Variants in ADARB2 observed in about 807,000 individuals in gnomAD.
ADARB2 encodes inactive double-stranded RNA-specific editase B2.
ADARB2 carries 25 observed loss-of-function variants against 62.2 expected under a neutral mutation model. The observed-to-expected ratio is 0.40, with a 90% confidence interval of 0.29 to 0.56. The LOEUF (loss-of-function observed/expected upper bound fraction) is 0.56. ADARB2 is among the 20% of genes least tolerant of loss of function. The pLI is 0.43. For missense variants in ADARB2, 1,071 were observed against 1,077.4 expected (o/e 0.99, Z 0.08); for synonymous variants, 572 against 500.8 (o/e 1.14, Z -1.90).
At chr10:1,496,258 C>T (rs1831689941) in intron 1 of ADARB2, among the ~76,000 whole-genome samples, 1 of 151,868 alleles carries the variant, frequency 6.6e-6, no homozygotes, top group Non-Finnish European at 1.5e-5. Context: ...TCATTGTCAT[C>T]AGCACCATCA....
In ADARB2 at chr10:1,472,122, G is replaced by A. The variant is rs545638775; in HGVS notation, c.101-92962C>T. On this transcript the variant is annotated intron_variant, in intron 1 of 9. Transcript: ENST00000381312. ...GTGAGACGGCTGAGATGAGAGGGAC[G>A]TGGCACCCACACGAGAAGGGCTTGT... Among the ~76,000 whole-genome samples, 179 of 152,318 alleles carry A rather than the reference G, an allele frequency of 1.2e-3. 1 individual carries two copies. The highest frequency in any genetic ancestry group is 1.6e-3 in the Non-Finnish European group (110 of 68,030).
chr10:1,332,368 G>A (rs925062744), intron 3 of ADARB2, among the ~76,000 whole-genome samples: 1 of 150,494 alleles, frequency 6.6e-6, no homozygotes, highest in African/African-American at 2.4e-5. Flanking sequence ...GTGAGCTGGT[G>A]TTGCACCACT....
intron 3 of ADARB2, among the ~76,000 whole-genome samples, chr10:1,327,683 T>TGCCCAGCGCCTCCCCATG (rs1831882793): frequency 1.6e-5 from 1 of 64,328 alleles, no homozygotes. Context: ...GCCTCCTCAC[T>TGCCCAGCGCCTCCCCATG]GCACAGCGCC....
intron 2 of ADARB2, among the ~76,000 whole-genome samples, chr10:1,371,395 G>C (rs1832370673): frequency 1.3e-5 from 2 of 152,218 alleles, no homozygotes; most frequent in Non-Finnish European, 2.9e-5. Context: ...AAAGATTTAT[G>C]ATGAAGGCCC....
chr10:1,484,138 A>G (rs1045085537), intron 1 of ADARB2, among the ~76,000 whole-genome samples: 2 of 152,226 alleles, frequency 1.3e-5, no homozygotes, highest in African/African-American at 2.4e-5. Context: ...TTCAGTCAAG[A>G]TACATTAATC....
In ADARB2 at chr10:1,464,737, CCA is replaced by C. The variant is rs1183773718; in HGVS notation, c.101-85579_101-85578del. On this transcript the variant is annotated intron_variant, in intron 1 of 9. Transcript: ENST00000381312. ...GAGAAGAGGGTGGACACACACTCCC[CCA>C]CACACGCGCTGGGGGCAGTCACAGC... Among the ~76,000 whole-genome samples the C allele has an allele frequency of 4.5e-5, 6 of 132,932 alleles. No individual in the cohort carries two copies. The East Asian group carries it at 1.3e-3, about 30-fold the overall frequency. The allele number at this position is 132,932 out of a possible 152,430, so 87.2% of individuals were successfully genotyped here. A position where few individuals can be genotyped will look rare whatever the true frequency, so the allele number is the denominator to read the frequency against.
At position 1,558,665 on chromosome 10, in the gene ADARB2, C is replaced by T. The variant is rs545937005; in HGVS notation, c.100+178386G>A. ...CCCCCCTCCGTGGGTGCTCAGCACC[C>T]CCATGCCCCATCTAAATCCACATCC... On this transcript the variant is annotated intron_variant, in intron 1 of 9. Transcript: ENST00000381312. Among the ~76,000 whole-genome samples the T allele has an allele frequency of 1.2e-4, 15 of 128,850 alleles. 3 individuals are homozygous for T. The highest frequency in any genetic ancestry group is 4.5e-4 in the African/African-American group (15 of 33,070). The allele number at this position is 128,850 out of a possible 152,430, so 84.5% of individuals were successfully genotyped here. A position where few individuals can be genotyped will look rare whatever the true frequency, so the allele number is the denominator to read the frequency against.
chr10:1,620,440 TA>T, intron 1 of ADARB2, among the ~76,000 whole-genome samples: 1 of 151,852 alleles, frequency 6.6e-6, no homozygotes, highest in South Asian at 2.1e-4. Flanking sequence ...AAAGAGGAAA[TA>T]AAAAAACTAC....
At chr10:1,184,499 C>T (rs903018194) in intron 9 of ADARB2, among the ~76,000 whole-genome samples, 1 of 152,168 alleles carries the variant, frequency 6.6e-6, no homozygotes, top group Non-Finnish European at 1.5e-5. Flanking sequence ...TTCTGAGTGT[C>T]GGTTTCCTGA....
intron 1 of ADARB2, among the ~76,000 whole-genome samples, chr10:1,598,475 AC>A (rs1442226537): frequency 6.6e-6 from 1 of 152,218 alleles, no homozygotes; most frequent in Non-Finnish European, 1.5e-5. Flanking sequence ...AGTCCCCACC[AC>A]CCAGCCTTGC....
At chr10:1,565,156 C>G (rs771667080) in intron 1 of ADARB2, among the ~76,000 whole-genome samples, 2 of 152,230 alleles carry the variant, frequency 1.3e-5, no homozygotes, top group African/African-American at 2.4e-5. Flanking sequence ...TTCTGGACCT[C>G]TCATTGTGCT....
At chr10:1,344,132 C>T (rs114974723) in intron 3 of ADARB2, among the ~76,000 whole-genome samples, 1,980 of 152,302 alleles carry the variant, frequency 0.013, 52 homozygotes, top group African/African-American at 0.045. Flanking sequence ...CTCACCCAAG[C>T]CACCTGCCTC....
intron 3 of ADARB2, among the ~76,000 whole-genome samples, chr10:1,322,155 C>T (rs11250411): frequency 0.016 from 2,423 of 152,102 alleles, 80 homozygotes; most frequent in African/African-American, 0.055. Flanking sequence ...TTTAATGAAG[C>T]CCTTGAAGCT....
At chr10:1,734,926 G>T (rs1252452009) in intron 1 of ADARB2, among the ~76,000 whole-genome samples, 1 of 152,112 alleles carries the variant, frequency 6.6e-6, no homozygotes, top group African/African-American at 2.4e-5. Flanking sequence ...GTAATAACTA[G>T]GTATCATAGA....
At chr10:1,393,618 G>A (rs1255552291) in intron 1 of ADARB2, among the ~76,000 whole-genome samples, 2 of 152,142 alleles carry the variant, frequency 1.3e-5, no homozygotes, top group Admixed American at 6.5e-5. Context: ...GACAGGGCAC[G>A]GTTTTCACAG....
intron 2 of ADARB2, among the ~76,000 whole-genome samples, chr10:1,364,199 C>A (rs752522287): frequency 5.9e-5 from 9 of 152,240 alleles, no homozygotes; most frequent in Non-Finnish European, 1.2e-4. Flanking sequence ...CACAAACAGA[C>A]AAGCGCCCCT....
At chr10:1,644,482 G>A (rs1026937987) in intron 1 of ADARB2, among the ~76,000 whole-genome samples, 13 of 152,270 alleles carry the variant, frequency 8.5e-5, no homozygotes, top group African/African-American at 2.9e-4. Flanking sequence ...GGACAAAGGA[G>A]AGGGGAATTC....
chr10:1,464,080 C>T (rs1383919655), intron 1 of ADARB2, among the ~76,000 whole-genome samples: 1 of 150,026 alleles, frequency 6.7e-6, no homozygotes, highest in East Asian at 1.9e-4. Flanking sequence ...GACCGCCACA[C>T]ACATGCGCTG....
intron 1 of ADARB2, among the ~76,000 whole-genome samples, chr10:1,597,562 C>T (rs1405201556): frequency 1.3e-5 from 2 of 152,152 alleles, no homozygotes; most frequent in Admixed American, 1.3e-4. Context: ...AAATTAAAAC[C>T]ACAATGGGAC....
Sources: allele counts gnomAD v4.1 joint callset (sites outside exome capture counted in the v4.1 genomes callset), GRCh38; gene constraint gnomAD v4.1.1; transcripts MANE v1.5; gene names NCBI Gene and HGNC (gene_info 2026-07-23, HGNC 2026-07-21).